LTBP1: variants seen among roughly 807,000 people sequenced by gnomAD.
The protein encoded by LTBP1 is latent transforming growth factor beta binding protein 1.
LTBP1 carries 129 observed loss-of-function variants against 207.6 expected under a neutral mutation model. The observed-to-expected ratio is 0.62, with a 90% CI of 0.54 to 0.72. The LOEUF is 0.72. Ranked by LOEUF, LTBP1 falls within the 30% of genes least tolerant of loss-of-function variation. LTBP1 has a pLI of 0.00. For missense variants in LTBP1, 2,281 were observed against 2,217.2 expected (o/e 1.03, Z -0.58); for synonymous variants, 963 against 833.7 (o/e 1.16, Z -2.67).
rs1204567260 is a variant in LTBP1, at chr2:33,218,462, C to T, written c.1804+808C>T. Among the ~76,000 whole-genome samples, 8 of 152,232 alleles carry T rather than the reference C, an allele frequency of 5.3e-5. 1 individual carries two copies. The East Asian group carries it at 1.5e-3, about 29-fold the overall frequency. ...CCCAGGCTGGAGCACAGTGGGGCAA[C>T]CTCGGCTCACTGCAGCCTCCGCCTC... On this transcript the variant is annotated intron_variant, in intron 8 of 33. Coordinates refer to ENST00000404816, the MANE Select transcript of LTBP1 (RefSeq NM_206943.4).
At position 33,365,475 on chromosome 2, in the gene LTBP1, G is replaced by A. The variant is rs767707870; in HGVS notation, c.4683G>A (p.Gln1561=). 2.0e-5 allele frequency: 32 copies of A among 1,613,970 alleles called. No homozygotes were observed. In the South Asian group the frequency reaches 3.5e-4, roughly 18 times the overall value. ...TGTATGGAGAGGCCTGGGGCATGCAGTGTGCCCTCTGCCCCCTGAAGGATT... is the reference window on the plus strand; with the variant it reads ...TGTATGGAGAGGCCTGGGGCATGCAATGTGCCCTCTGCCCCCTGAAGGATT... The part of the protein sequence containing the change: ...CCLYGEAWGM[Q]CALCPLKDSD... Residue 1561 remains glutamine (Q), a synonymous_variant, in exon 31 of 34, where the codon CAG becomes CAA. Coordinates refer to ENST00000404816, the MANE Select transcript of LTBP1 (RefSeq NM_206943.4).
chr2:33,182,544 C>A (rs1391550184), intron 5 of LTBP1, among the ~76,000 whole-genome samples: 1 of 150,940 alleles, frequency 6.6e-6, no homozygotes, highest in Non-Finnish European at 1.5e-5. Context: ...TGCCTGTAGT[C>A]CCAGCTACTC....
intron 3 of LTBP1, among the ~76,000 whole-genome samples, chr2:33,021,879 A>G (rs1375729997): frequency 6.6e-6 from 1 of 152,178 alleles, no homozygotes; most frequent in Non-Finnish European, 1.5e-5. Context: ...TCTGAGTTGC[A>G]TTACAAGCAG....
Position 33,110,861 on chromosome 2 carries a change from C to T in LTBP1, c.1033+110C>T, listed in dbSNP as rs2080360887. 3.8e-6 allele frequency: 4 copies of T among 1,056,100 alleles called. No homozygotes were observed. The Admixed American group carries it at 1.1e-4, about 29-fold the overall frequency. 65.4% of individuals were successfully genotyped at this position (1,056,100 alleles called of 1,614,324 possible). On this transcript the variant is annotated intron_variant, in intron 4 of 33. Coordinates refer to ENST00000404816, the MANE Select transcript of LTBP1 (RefSeq NM_206943.4). ...GTCACAGTAAATAAAATTCAAGAGTCATTAAAAAATCCACATTGGTTCCTG... is the reference window on the plus strand; with the variant it reads ...GTCACAGTAAATAAAATTCAAGAGTTATTAAAAAATCCACATTGGTTCCTG...
At chr2:33,012,319 AGCTCCCTCTTGTACGTGTCT>A (rs549838859) in intron 2 of LTBP1, among the ~76,000 whole-genome samples, 176 of 152,312 alleles carry the variant, frequency 1.2e-3, no homozygotes, top group African/African-American at 4.2e-3. Context: ...CCCAGAGCAT[AGCTCCCTCTTGTACGTGTCT>A]GCTCATCAGT....
intron 2 of LTBP1, among the ~76,000 whole-genome samples, chr2:33,003,118 A>C (rs975667370): frequency 3.3e-5 from 5 of 152,224 alleles, no homozygotes; most frequent in Middle Eastern, 3.2e-3. Flanking sequence ...GGGTTCTGTT[A>C]AAATGGGGTC....
chr2:33,269,115 ATT>A, intron 15 of LTBP1, among the ~76,000 whole-genome samples: 1 of 152,306 alleles, frequency 6.6e-6, no homozygotes, highest in East Asian at 1.9e-4. Flanking sequence ...TCATTCATTC[ATT>A]CATTCATTCA....
intron 25 of LTBP1, among the ~76,000 whole-genome samples, chr2:33,346,545 A>G (rs2094703903): frequency 2.0e-5 from 3 of 152,010 alleles, no homozygotes; most frequent in Non-Finnish European, 1.5e-5. Context: ...TTAGCCATGC[A>G]TGGTGGTACG....
chr2:33,387,637 T>A (rs76368524), intron 31 of LTBP1, among the ~76,000 whole-genome samples: 90 of 152,264 alleles, frequency 5.9e-4, no homozygotes, highest in African/African-American at 2.0e-3. Context: ...TGCACATGCA[T>A]ACACACACAC....
chr2:33,183,565 C>T (rs151018738), intron 5 of LTBP1, among the ~76,000 whole-genome samples: 175 of 152,270 alleles, frequency 1.1e-3, no homozygotes, highest in African/African-American at 3.9e-3. Flanking sequence ...ACCACGTTGT[C>T]GGGGGACTGG....
chr2:33,123,725 A>G (rs959307072), intron 4 of LTBP1, among the ~76,000 whole-genome samples: 8 of 152,186 alleles, frequency 5.3e-5, no homozygotes, highest in Non-Finnish European at 7.3e-5. Context: ...TGTCCCAGCA[A>G]AGACATGAGG....
At chr2:33,146,378 A>G (rs914916315) in intron 5 of LTBP1, among the ~76,000 whole-genome samples, 1 of 152,220 alleles carries the variant, frequency 6.6e-6, no homozygotes, top group African/African-American at 2.4e-5. Context: ...ACAAGCCCCT[A>G]TGAGAAGTCA....
rs1402469137 is a variant in LTBP1, at chr2:33,365,559, C to T, written c.4711+56C>T. The T allele has an allele frequency of 7.8e-6, 12 of 1,542,232 alleles. No individual in the cohort carries two copies. The African/African-American group carries it at 8.2e-5, about 11-fold the overall frequency. ...GGCCTTTGGGGACAAGTTCATCTCA[C>T]CTCCTTTGTAGCCTGACATTTCTCT... is the stretch of plus-strand genomic sequence containing the variant. On this transcript the variant is annotated intron_variant, in intron 31 of 33. Transcript: ENST00000404816.
intron 7 of LTBP1, among the ~76,000 whole-genome samples, chr2:33,206,749 A>G (rs1258483123): frequency 2.0e-5 from 3 of 152,024 alleles, no homozygotes; most frequent in Non-Finnish European, 2.9e-5. Context: ...AAAAAAAAAA[A>G]AAAAAGAAAA....
intron 3 of LTBP1, chr2:33,061,496 C>G (rs1437005623): frequency 6.6e-6 from 1 of 152,078 alleles, no homozygotes; most frequent in Non-Finnish European, 1.5e-5. Context: ...CCAGAGACAA[C>G]CACTCTTCTG....
intron 19 of LTBP1, among the ~76,000 whole-genome samples, chr2:33,291,021 G>C (rs1439033443): frequency 6.6e-6 from 1 of 152,134 alleles, no homozygotes; most frequent in Admixed American, 6.5e-5. Flanking sequence ...TTACTGTCTT[G>C]CTATTTTCTC....
At chr2:33,389,436 A>C (rs940309871) in intron 32 of LTBP1, 130 bp downstream of exon 32, 34 of 1,281,796 alleles carry the variant, frequency 2.7e-5, no homozygotes, top group Non-Finnish European at 3.4e-5. Context: ...CTGGTCAGAA[A>C]GTCTAGGGTG....
intron 2 of LTBP1, among the ~76,000 whole-genome samples, chr2:32,974,938 T>C (rs1249303191): frequency 6.6e-6 from 1 of 152,244 alleles, no homozygotes; most frequent in Non-Finnish European, 1.5e-5. Flanking sequence ...CTGGTTATTA[T>C]GCAGACTTGA....
At chr2:32,972,368 A>T in intron 2 of LTBP1, among the ~76,000 whole-genome samples, 2 of 148,168 alleles carry the variant, frequency 1.3e-5, no homozygotes, top group African/African-American at 5.0e-5. Context: ...TTGTTTTTCT[A>T]GTTCTTCTAG....
Sources: gnomAD v4.1 joint callset for allele counts (sites outside exome capture counted in the v4.1 genomes callset) on GRCh38, gnomAD v4.1.1 for gene constraint, MANE v1.5 for transcripts, NCBI Gene and HGNC (gene_info 2026-07-23, HGNC 2026-07-21) for gene names.